Variants in TMEM74 observed in about 807,000 individuals in gnomAD.
TMEM74 encodes the protein transmembrane protein 74.
A neutral mutation model predicts 18.1 loss-of-function variants in TMEM74; 13 were observed. That is an observed-to-expected ratio of 0.72 (90% confidence interval 0.47 to 1.14). TMEM74 has a LOEUF of 1.14. Ranked by LOEUF, TMEM74 falls within the 50% of genes most tolerant of loss-of-function variation. The pLI is 0.00. For synonymous variants in TMEM74, 159 were observed against 146.6 expected, an observed-to-expected ratio of 1.08 and a Z score of -0.61; for missense variants, 372 against 375.9, an observed-to-expected ratio of 0.99 and a Z score of 0.09.
intron 1 of TMEM74, among the ~76,000 whole-genome samples, chr8:108,742,876 G>T (rs1400698282): frequency 1.3e-5 from 2 of 152,152 alleles, no homozygotes; most frequent in African/African-American, 4.8e-5. Context: ...AAACCAGAAG[G>T]CATCATGCAA....
exon 4 of TMEM74, chr8:108,607,341 T>C (rs1395702990): frequency 6.6e-6 from 1 of 152,214 alleles, no homozygotes; most frequent in Non-Finnish European, 1.5e-5. Flanking sequence ...GAAAGTGCAT[T>C]GGCGTAAAAT....
chr8:108,680,445 G>C (rs1480203014), intron 1 of TMEM74, among the ~76,000 whole-genome samples: 1 of 151,978 alleles, frequency 6.6e-6, no homozygotes, highest in Non-Finnish European at 1.5e-5. Context: ...ATGCAGAAAA[G>C]GCCTTTGACA....
chr8:108,732,824 G>T (rs1427494948), intron 1 of TMEM74, among the ~76,000 whole-genome samples: 1 of 150,690 alleles, frequency 6.6e-6, no homozygotes, highest in Non-Finnish European at 1.5e-5. Flanking sequence ...CTCACACCTA[G>T]AATACATAAG....
chr8:108,667,114 A>T (rs988727564), intron 1 of TMEM74, among the ~76,000 whole-genome samples: 3 of 152,124 alleles, frequency 2.0e-5, no homozygotes, highest in African/African-American at 7.2e-5. Flanking sequence ...AAAAGAATCT[A>T]TGTGCTTTTC....
intron 2 of TMEM74, among the ~76,000 whole-genome samples, chr8:108,628,731 T>A (rs1416583159): frequency 6.6e-6 from 1 of 152,098 alleles, no homozygotes; most frequent in African/African-American, 2.4e-5. Flanking sequence ...ATGGTTGAAC[T>A]AATTTATACT....
chr8:108,692,517 C>T (rs1352961680), intron 1 of TMEM74, among the ~76,000 whole-genome samples: 2 of 152,124 alleles, frequency 1.3e-5, no homozygotes, highest in Non-Finnish European at 2.9e-5. Context: ...TACAGGCCCA[C>T]ATTTAATAAC....
At chr8:108,676,320 C>A (rs911401310) in intron 1 of TMEM74, among the ~76,000 whole-genome samples, 2 of 152,154 alleles carry the variant, frequency 1.3e-5, no homozygotes, top group Non-Finnish European at 2.9e-5. Context: ...TGGGACCCTA[C>A]GTGGTCTTGT....
intron 1 of TMEM74, among the ~76,000 whole-genome samples, chr8:108,746,192 A>G (rs1813847033): frequency 6.6e-6 from 1 of 152,184 alleles, no homozygotes; most frequent in African/African-American, 2.4e-5. Context: ...TGTTGTCCCA[A>G]GGAAAATCAT....
At chr8:108,620,985 A>AT (rs1159482017) in intron 2 of TMEM74, among the ~76,000 whole-genome samples, 1 of 152,204 alleles carries the variant, frequency 6.6e-6, no homozygotes, top group Non-Finnish European at 1.5e-5. Flanking sequence ...TGCTGCTCCC[A>AT]TGATGCCTGG....
chr8:108,615,967 A>C (rs767646018), intron 2 of TMEM74, among the ~76,000 whole-genome samples: 12 of 151,492 alleles, frequency 7.9e-5, no homozygotes, highest in Non-Finnish European at 1.5e-4. Context: ...TTGTATTTTT[A>C]GTAGAGACGG....
At chr8:108,678,739 T>G (rs1465975573) in intron 1 of TMEM74, among the ~76,000 whole-genome samples, 1 of 150,444 alleles carries the variant, frequency 6.6e-6, no homozygotes, top group Admixed American at 6.6e-5. Context: ...ATTTATATAT[T>G]TATTTATTTA....
intron 1 of TMEM74, among the ~76,000 whole-genome samples, chr8:108,702,495 G>A (rs937722789): frequency 6.6e-6 from 1 of 151,972 alleles, no homozygotes; most frequent in Non-Finnish European, 1.5e-5. Flanking sequence ...GCAAACAAAT[G>A]AATCTGGATA....
chr8:108,652,923 A>G, intron 2 of TMEM74: 1 of 366,492 alleles, frequency 2.7e-6, no homozygotes, highest in Non-Finnish European at 5.3e-6. Flanking sequence ...GTGAAGAGCG[A>G]AGATGAATTT....
intron 1 of TMEM74, among the ~76,000 whole-genome samples, chr8:108,742,153 G>A (rs1478709863): frequency 6.6e-6 from 1 of 152,042 alleles, no homozygotes. Flanking sequence ...GTTGAGGGTG[G>A]GAGGAGGGAG....
chr8:108,734,504 C>T (rs1307074571), intron 1 of TMEM74, among the ~76,000 whole-genome samples: 2 of 152,156 alleles, frequency 1.3e-5, no homozygotes, highest in Non-Finnish European at 2.9e-5. Context: ...TTCTTTGACA[C>T]TGTTCAAAAT....
At chr8:108,668,540 G>A (rs1309876345) in intron 1 of TMEM74, among the ~76,000 whole-genome samples, 1 of 152,056 alleles carries the variant, frequency 6.6e-6, no homozygotes, top group Non-Finnish European at 1.5e-5. Context: ...GGCCCTGTGA[G>A]ATAAGCCTGA....
intron 2 of TMEM74, among the ~76,000 whole-genome samples, chr8:108,619,682 C>G (rs1812420293): frequency 1.3e-5 from 2 of 152,170 alleles, no homozygotes; most frequent in Admixed American, 1.3e-4. Context: ...AGTAAGGAGG[C>G]CTCAGAGTCC....
At chr8:108,698,569 C>T (rs933524024) in intron 1 of TMEM74, among the ~76,000 whole-genome samples, 3 of 152,136 alleles carry the variant, frequency 2.0e-5, no homozygotes, top group African/African-American at 7.2e-5. Context: ...GCTGCCATTA[C>T]TATTGTTGTT....
intron 2 of TMEM74, among the ~76,000 whole-genome samples, chr8:108,620,739 C>T (rs1229669476): frequency 1.3e-5 from 2 of 151,986 alleles, no homozygotes; most frequent in East Asian, 1.9e-4. Flanking sequence ...AATCCTTTTT[C>T]AATTTTTGGA....
Sources: gnomAD v4.1 joint callset for allele counts (sites outside exome capture counted in the v4.1 genomes callset) on GRCh38, gnomAD v4.1.1 for gene constraint, MANE v1.5 for transcripts, NCBI Gene and HGNC (gene_info 2026-07-23, HGNC 2026-07-21) for gene names.